The following DTWD2 variants were observed in gnomAD, a reference collection of about 807,000 sequenced individuals.
DTWD2 encodes the protein tRNA-uridine aminocarboxypropyltransferase 2.
Under a neutral mutation model 31.8 loss-of-function variants are expected in DTWD2, and 39 were observed. The ratio of observed to expected loss-of-function variants is 1.22; its 90% CI spans 0.95 to 1.60. DTWD2 has a LOEUF of 1.60. DTWD2 is among the 40% of genes most tolerant of loss of function. DTWD2 has a pLI of 0.00. For synonymous variants in DTWD2, 180 were observed against 142.8 expected, an observed-to-expected ratio of 1.26 and a Z score of -1.86; for missense variants, 515 against 381.5, an observed-to-expected ratio of 1.35 and a Z score of -2.92.
At chr5:118,977,288 C>T (rs1462334272) in intron 1 of DTWD2, among the ~76,000 whole-genome samples, 2 of 152,106 alleles carry the variant, frequency 1.3e-5, no homozygotes, top group Admixed American at 1.3e-4. Context: ...AGACAAGGAT[C>T]CCCTCTCTCA....
chr5:118,976,915 G>T (rs572861090), intron 1 of DTWD2, among the ~76,000 whole-genome samples: 2 of 152,268 alleles, frequency 1.3e-5, no homozygotes, highest in Non-Finnish European at 2.9e-5. Flanking sequence ...TATCCCTGAT[G>T]AACATCAATG....
At chr5:118,854,459 TG>T (rs563290586) in intron 4 of DTWD2, among the ~76,000 whole-genome samples, 54 of 152,144 alleles carry the variant, frequency 3.5e-4, no homozygotes, top group African/African-American at 1.3e-3. Flanking sequence ...AAATAAATAA[TG>T]TTTTCCAAAC....
At chr5:118,966,512 G>T (rs1754853037) in intron 1 of DTWD2, among the ~76,000 whole-genome samples, 1 of 152,118 alleles carries the variant, frequency 6.6e-6, no homozygotes, top group South Asian at 2.1e-4. Flanking sequence ...CAACAGAAAA[G>T]ATGTTTAATA....
chr5:118,913,424 TATATATATAC>T (rs1160053961), intron 4 of DTWD2, among the ~76,000 whole-genome samples: 3,402 of 138,512 alleles, frequency 0.025, 37 homozygotes, highest in Non-Finnish European at 0.024. Context: ...TATATAGATA[TATATATATAC>T]ACACACACAC....
At chr5:118,890,562 CTTTTTTTTTTTTT>C (rs973397760) in intron 4 of DTWD2, among the ~76,000 whole-genome samples, 1 of 71,252 alleles carries the variant, frequency 1.4e-5, no homozygotes, top group Non-Finnish European at 2.5e-5. Context: ...TTAGGTTTTC[CTTTTTTTTTTTTT>C]TTTTTTTTTT....
At position 118,867,409 on chromosome 5, in the gene DTWD2, CTAAT is replaced by C. The variant is rs149208393; in HGVS notation, c.598-19195_598-19192del. 7.5e-3 allele frequency among the ~76,000 whole-genome samples: 1,146 copies of C among 152,198 alleles called. 13 individuals are homozygous for C. The highest frequency in any genetic ancestry group is 0.026 in the African/African-American group (1,087 of 41,522). ...TATACTCCAGCTAAACATCTGTTCT[CTAAT>C]TAATAATTTACATTATCTATCCTAC... On this transcript the variant is annotated intron_variant, in intron 4 of 5. Coordinates refer to ENST00000510708, the MANE Select transcript of DTWD2 (RefSeq NM_173666.4).
At position 118,837,141 on chromosome 5, in the gene DTWD2, G is replaced by C. The variant is rs541845438; in HGVS notation, c.*3776C>G. Reference sequence around the variant, plus strand: ...TATAAAAGGGAAGGGGAACAATGTAGGTGATGAAAGAGGGAGAGGAAGACC... The same window carrying C: ...TATAAAAGGGAAGGGGAACAATGTACGTGATGAAAGAGGGAGAGGAAGACC... On this transcript the variant is annotated 3_prime_UTR_variant, in exon 6 of 6. Transcript: ENST00000510708. 6.6e-6 allele frequency among the ~76,000 whole-genome samples: 1 copy of C among 152,242 alleles called. No individual in the cohort carries two copies. The highest frequency in any genetic ancestry group is 2.1e-4 in the South Asian group (1 of 4,822).
intron 1 of DTWD2, among the ~76,000 whole-genome samples, chr5:118,986,384 T>C (rs1755428175): frequency 6.6e-6 from 1 of 152,206 alleles, no homozygotes; most frequent in African/African-American, 2.4e-5. Flanking sequence ...ATTTAAGATA[T>C]GTTATATTTA....
chr5:118,869,173 G>A (rs941112326), intron 4 of DTWD2, among the ~76,000 whole-genome samples: 7 of 152,042 alleles, frequency 4.6e-5, no homozygotes, highest in Admixed American at 2.0e-4. Flanking sequence ...TAATTCCACC[G>A]AACTATATAT....
chr5:118,974,586 A>C (rs767702186), intron 1 of DTWD2: 2 of 507,026 alleles, frequency 3.9e-6, no homozygotes, highest in Non-Finnish European at 7.9e-6. Flanking sequence ...CAGAAAAACA[A>C]TCTTATTCCG....
chr5:118,875,726 A>G (rs73236957), intron 4 of DTWD2, among the ~76,000 whole-genome samples: 4,425 of 152,280 alleles, frequency 0.029, 215 homozygotes, highest in African/African-American at 0.096. Context: ...AAGTTCTCAG[A>G]GACCTTCAAG....
At chr5:118,963,588 T>G (rs1261943577) in intron 1 of DTWD2, among the ~76,000 whole-genome samples, 2 of 152,110 alleles carry the variant, frequency 1.3e-5, no homozygotes, top group African/African-American at 4.8e-5. Context: ...ACAGACATGT[T>G]AAAAATATAA....
intron 4 of DTWD2, among the ~76,000 whole-genome samples, chr5:118,893,519 A>C (rs537785532): frequency 1.5e-4 from 23 of 152,278 alleles, no homozygotes; most frequent in Non-Finnish European, 2.8e-4. Context: ...GAAAGAAGGG[A>C]TATAGAAAGA....
chr5:118,937,835 CTGTG>C (rs771848117), intron 3 of DTWD2, among the ~76,000 whole-genome samples: 49 of 150,318 alleles, frequency 3.3e-4, no homozygotes, highest in Non-Finnish European at 5.8e-4. Context: ...TCTCTGGTAT[CTGTG>C]TGTAATAAAC....
At chr5:118,905,125 A>G (rs1398423888) in intron 4 of DTWD2, among the ~76,000 whole-genome samples, 1 of 152,128 alleles carries the variant, frequency 6.6e-6, no homozygotes, top group Non-Finnish European at 1.5e-5. Flanking sequence ...TGCTATATTA[A>G]TGTATAAGTA....
At chr5:118,853,727 C>G (rs1030016372) in intron 4 of DTWD2, among the ~76,000 whole-genome samples, 1 of 152,158 alleles carries the variant, frequency 6.6e-6, no homozygotes, top group Non-Finnish European at 1.5e-5. Context: ...ATAGGACCCA[C>G]AGACACAGAG....
At chr5:118,962,555 A>G (rs1007895570) in intron 1 of DTWD2, among the ~76,000 whole-genome samples, 4 of 152,244 alleles carry the variant, frequency 2.6e-5, no homozygotes, top group African/African-American at 9.6e-5. Flanking sequence ...GAAGCTGGAT[A>G]TTAGCAAAAC....
chr5:118,874,062 G>A lies in DTWD2; in HGVS notation c.598-25844C>T, dbSNP rs79125690. Among the ~76,000 whole-genome samples, 416 of 152,316 alleles carry A rather than the reference G, an allele frequency of 2.7e-3. 1 individual carries two copies. The highest frequency in any genetic ancestry group is 9.5e-3 in the African/African-American group (396 of 41,558). ...GCAATACAAGTCCCCAGGAGTTACA[G>A]CACTCAGTCTAAGAGGTGGGAGTTG... On this transcript the variant is annotated intron_variant, in intron 4 of 5. Coordinates refer to ENST00000510708, the MANE Select transcript of DTWD2 (RefSeq NM_173666.4).
chr5:118,918,782 G>A (rs997887464), intron 4 of DTWD2, among the ~76,000 whole-genome samples: 2 of 151,282 alleles, frequency 1.3e-5, no homozygotes, highest in African/African-American at 4.9e-5. Flanking sequence ...GAGCCCAGGG[G>A]TTCAAGACCA....
Sources: gnomAD v4.1 joint callset for allele counts (sites outside exome capture counted in the v4.1 genomes callset) on GRCh38, gnomAD v4.1.1 for gene constraint, MANE v1.5 for transcripts, NCBI Gene and HGNC (gene_info 2026-07-23, HGNC 2026-07-21) for gene names.